Variants in ABCC4 observed in about 807,000 individuals in gnomAD.
The protein encoded by ABCC4 is ATP binding cassette subfamily C member 4 (PEL blood group).
In ABCC4, 102 loss-of-function variants were observed where a neutral mutation model predicts 168.5. That is an observed-to-expected ratio of 0.61 (90% CI 0.52 to 0.71). The LOEUF (loss-of-function observed/expected upper bound fraction) is 0.71, where lower values mean the gene tolerates loss of function less well. Ranked by LOEUF, ABCC4 falls within the 30% of genes least tolerant of loss-of-function variation. ABCC4 has a pLI of 0.00. For missense variants in ABCC4, 1,402 were observed against 1,605.8 expected, an observed-to-expected ratio of 0.87 and a Z score of 2.17; for synonymous variants, 617 against 590.7, an observed-to-expected ratio of 1.04 and a Z score of -0.65.
chr13:95,278,346 G>A (rs1436080330), intron 1 of ABCC4, among the ~76,000 whole-genome samples: 1 of 152,112 alleles, frequency 6.6e-6, no homozygotes, highest in Admixed American at 6.6e-5. Context: ...ACTCTTAGGA[G>A]TGAAAGGGGG....
intron 1 of ABCC4, among the ~76,000 whole-genome samples, chr13:95,260,928 C>T (rs1335518907): frequency 1.3e-5 from 2 of 151,328 alleles, no homozygotes; most frequent in Non-Finnish European, 2.9e-5. Context: ...CCAGTCTGCA[C>T]AATTCTCACC....
chr13:95,268,560 C>T (rs958739590), intron 1 of ABCC4, among the ~76,000 whole-genome samples: 10 of 152,154 alleles, frequency 6.6e-5, no homozygotes, highest in African/African-American at 2.4e-4. Flanking sequence ...CAGTGTAAAA[C>T]CCAATTGTAT....
chr13:95,286,123 C>CTT lies in ABCC4; in HGVS notation c.74+15116_74+15117dup, dbSNP rs773328777. On this transcript the variant is annotated intron_variant, in intron 1 of 30. Coordinates refer to ENST00000645237, the MANE Select transcript of ABCC4 (RefSeq NM_005845.5). ...GCTGTGAAACTGCTTTCCAGAAAAA[C>CTT]TTTTTTTTTTTTTTGAGACGGAGTC... 3.0e-4 allele frequency among the ~76,000 whole-genome samples: 32 copies of CTT among 105,558 alleles called. 2 individuals are homozygous for CTT. The highest frequency in any genetic ancestry group is 9.8e-4 in the East Asian group (3 of 3,052). 69.3% of individuals were successfully genotyped at this position (105,558 alleles called of 152,430 possible).
At position 95,163,110 on chromosome 13, in the gene ABCC4, A is replaced by T; in HGVS notation, c.2308+12T>A. On this transcript the variant is annotated intron_variant, in intron 18 of 30. Transcript: ENST00000645237. The stretch of plus-strand genomic sequence containing the variant: ...AGCCTCTCATACAATACACCAAATG[A>T]TTAAACTTTACCTGAATAAATTCCT... The T allele has an allele frequency of 6.3e-7, 1 of 1,589,918 alleles. No individual in the cohort carries two copies. The highest frequency in any genetic ancestry group is 1.1e-5 in the South Asian group (1 of 90,300).
At chr13:95,083,618 C>A in intron 20 of ABCC4, among the ~76,000 whole-genome samples, 1 of 151,902 alleles carries the variant, frequency 6.6e-6, no homozygotes, top group African/African-American at 2.4e-5. Flanking sequence ...CCTCCCACTC[C>A]CGTGTTCAAG....
chr13:95,126,282 C>T (rs571107431), intron 19 of ABCC4, among the ~76,000 whole-genome samples: 6 of 152,170 alleles, frequency 3.9e-5, no homozygotes, highest in South Asian at 2.1e-4. Flanking sequence ...ACATACCAAG[C>T]GGTCTACAAG....
At chr13:95,039,153 T>G (rs925110706) in intron 29 of ABCC4, among the ~76,000 whole-genome samples, 1 of 152,222 alleles carries the variant, frequency 6.6e-6, no homozygotes, top group Non-Finnish European at 1.5e-5. Context: ...ACCAGAAGTG[T>G]TTCAGATTTC....
chr13:95,245,247 A>T (rs1372647360), intron 3 of ABCC4, among the ~76,000 whole-genome samples: 1 of 152,234 alleles, frequency 6.6e-6, no homozygotes, highest in Non-Finnish European at 1.5e-5. Flanking sequence ...CTGGTGACAA[A>T]GGGAAACTAG....
At position 95,044,484 on chromosome 13, in the gene ABCC4, T is replaced by C. The variant is rs539644607; in HGVS notation, c.3457-46A>G. 1.9e-6 allele frequency: 3 copies of C among 1,552,208 alleles called. No homozygotes were observed. The East Asian group carries it at 6.9e-5, about 36-fold the overall frequency. ...ATGACTGCTATCATTCAAGCCGCTA[T>C]GGAAGTAGTCAAGCCTCATAGACAT... On this transcript the variant is annotated intron_variant, in intron 27 of 30. Coordinates refer to ENST00000645237, the MANE Select transcript of ABCC4 (RefSeq NM_005845.5).
At chr13:95,265,480 C>T (rs866110162) in intron 1 of ABCC4, among the ~76,000 whole-genome samples, 19 of 151,464 alleles carry the variant, frequency 1.3e-4, no homozygotes, top group African/African-American at 3.9e-4. Flanking sequence ...CAAGGTAAAA[C>T]ATGAAATTAG....
chr13:95,209,433 C>G lies in ABCC4; in HGVS notation c.785+1G>C. The G allele has an allele frequency of 6.2e-7, 1 of 1,613,738 alleles. No individual in the cohort carries two copies. Among genetic ancestry groups the G allele is most frequent in the Non-Finnish European group, 8.5e-7 (1 of 1,179,770 alleles). On this transcript the variant is annotated splice_donor_variant, in intron 6 of 30. Coordinates refer to ENST00000645237, the MANE Select transcript of ABCC4 (RefSeq NM_005845.5). LOFTEE classifies it high-confidence loss of function. ...ATTTTTCACAGCAGTATTTCTCTTA[C>G]CTCAGTGATGAGAACAACTTCCCAA...
rs189387399 is a variant in ABCC4, at chr13:95,229,720, A to T, written c.531+4890T>A. On this transcript the variant is annotated intron_variant, in intron 4 of 30. Transcript: ENST00000645237. ...ATGAAACTGTCCTCCATTCCATCGT[A>T]GGTCTAGCATTCAGATGTTTAGCAT... Among the ~76,000 whole-genome samples the T allele has an allele frequency of 2.6e-3, 398 of 152,324 alleles. 5 individuals are homozygous for T. Among genetic ancestry groups the T allele is most frequent in the Non-Finnish European group, 7.9e-4 (54 of 68,034 alleles).
intron 1 of ABCC4, among the ~76,000 whole-genome samples, chr13:95,255,830 C>A (rs979334501): frequency 2.6e-5 from 4 of 152,186 alleles, no homozygotes; most frequent in Non-Finnish European, 5.9e-5. Flanking sequence ...AGATTTCCTA[C>A]TACGGAGCTT....
chr13:95,275,740 T>C (rs1337570547), intron 1 of ABCC4, among the ~76,000 whole-genome samples: 2 of 94,054 alleles, frequency 2.1e-5, no homozygotes, highest in Non-Finnish European at 4.2e-5. Context: ...ACAGAGTAAG[T>C]TTCTGTCTCA....
intron 22 of ABCC4, among the ~76,000 whole-genome samples, chr13:95,074,599 C>T (rs905131217): frequency 3.3e-5 from 5 of 152,184 alleles, no homozygotes; most frequent in East Asian, 1.9e-4. Context: ...AAGGACATCT[C>T]GTACAGTGCT....
chr13:95,203,648 G>A (rs555162014), intron 8 of ABCC4, among the ~76,000 whole-genome samples: 1 of 152,120 alleles, frequency 6.6e-6, no homozygotes, highest in African/African-American at 2.4e-5. Context: ...GTAAGCCACC[G>A]CGCCTGGCCA....
At chr13:95,111,007 GA>G (rs377349152) in intron 20 of ABCC4, among the ~76,000 whole-genome samples, 49 of 143,318 alleles carry the variant, frequency 3.4e-4, no homozygotes, top group African/African-American at 1.1e-3. Context: ...AAAAACCACA[GA>G]AAAAAAGGAA....
intron 13 of ABCC4, among the ~76,000 whole-genome samples, chr13:95,175,542 A>G (rs1372916149): frequency 6.6e-6 from 1 of 152,178 alleles, no homozygotes; most frequent in Non-Finnish European, 1.5e-5. Flanking sequence ...CGAACTCCTC[A>G]GGTGATCTGC....
chr13:95,239,551 C>T (rs963869207), intron 3 of ABCC4, among the ~76,000 whole-genome samples: 1 of 152,170 alleles, frequency 6.6e-6, no homozygotes, highest in Admixed American at 6.5e-5. Flanking sequence ...ATTCAAAAGA[C>T]TCAGGGCCCA....
Sources: allele counts gnomAD v4.1 joint callset (sites outside exome capture counted in the v4.1 genomes callset), GRCh38; gene constraint gnomAD v4.1.1; transcripts MANE v1.5; gene names NCBI Gene and HGNC (gene_info 2026-07-23, HGNC 2026-07-21).